FSTL5: variants seen among roughly 807,000 people sequenced by gnomAD.
The protein encoded by FSTL5 is follistatin like 5.
FSTL5 carries 62 observed loss-of-function variants against 89.1 expected under a neutral mutation model. The observed-to-expected ratio is 0.70, with a 90% CI of 0.57 to 0.86. The LOEUF is 0.86. Among genes scored for constraint, FSTL5 ranks in the 40% least tolerant of loss-of-function variants. FSTL5 has a pLI of 0.00. For synonymous variants in FSTL5, 383 were observed against 346.2 expected (o/e 1.11, Z -1.18); for missense variants, 1,057 against 1,001.6 (o/e 1.06, Z -0.75).
chr4:161,836,246 T>C (rs1273530030), intron 4 of FSTL5, among the ~76,000 whole-genome samples: 3 of 129,984 alleles, frequency 2.3e-5, no homozygotes, highest in African/African-American at 6.0e-5. Context: ...TAGGTGGGAA[T>C]TGAACAATGA....
In FSTL5 at chr4:161,808,326, T is replaced by C. The variant is rs1052529171; in HGVS notation, c.410-32252A>G. ...CAGCAACTCCACTTATAGGCATACA[T>C]TGCCCTCCAAAAAAACATGAAAGCA... is the stretch of plus-strand genomic sequence containing the variant. On this transcript the variant is annotated intron_variant, in intron 4 of 15. Transcript: ENST00000306100. 5.3e-5 allele frequency among the ~76,000 whole-genome samples: 8 copies of C among 152,204 alleles called. No individual in the cohort carries two copies. The East Asian group carries it at 1.4e-3, about 26-fold the overall frequency.
At chr4:161,667,371 G>C (rs1394937633) in intron 6 of FSTL5, among the ~76,000 whole-genome samples, 1 of 152,054 alleles carries the variant, frequency 6.6e-6, no homozygotes, top group East Asian at 1.9e-4. Context: ...CTAACAGAAA[G>C]AATTGGGTGG....
intron 3 of FSTL5, among the ~76,000 whole-genome samples, chr4:161,949,805 T>TA (rs1393732672): frequency 6.6e-6 from 1 of 152,098 alleles, no homozygotes; most frequent in African/African-American, 2.4e-5. Context: ...TTTGGATTTT[T>TA]AAAAAATAAT....
chr4:161,814,682 T>A (rs1730270376), intron 4 of FSTL5, among the ~76,000 whole-genome samples: 2 of 152,146 alleles, frequency 1.3e-5, no homozygotes, highest in African/African-American at 4.8e-5. Flanking sequence ...GATTAAAATG[T>A]TGAAACATTT....
chr4:161,571,367 A>G (rs766512054), intron 8 of FSTL5, among the ~76,000 whole-genome samples: 1 of 152,124 alleles, frequency 6.6e-6, no homozygotes, highest in Non-Finnish European at 1.5e-5. Context: ...AGGAGAATAC[A>G]TGGGAACAAA....
chr4:161,644,162 A>G (rs1171794673), intron 7 of FSTL5, among the ~76,000 whole-genome samples: 2 of 152,136 alleles, frequency 1.3e-5, no homozygotes, highest in African/African-American at 4.8e-5. Context: ...TGAAGGACAC[A>G]CTGGATTTAG....
At chr4:162,046,774 T>C (rs776558388) in intron 2 of FSTL5, among the ~76,000 whole-genome samples, 1 of 152,164 alleles carries the variant, frequency 6.6e-6, no homozygotes, top group Non-Finnish European at 1.5e-5. Context: ...TTATGAAAAC[T>C]AGTGAATTTG....
chr4:161,846,066 G>T (rs577804460), intron 4 of FSTL5, among the ~76,000 whole-genome samples: 2 of 150,084 alleles, frequency 1.3e-5, no homozygotes, highest in East Asian at 2.0e-4. Context: ...AAAAAAAATT[G>T]TGAATTGTGT....
rs35953683 is a variant in FSTL5 at position 161,550,557 on chromosome 4, TTTTATTTATTTA to T, written c.1016-7876_1016-7865del. Among the ~76,000 whole-genome samples the T allele has an allele frequency of 9.2e-3, 1,307 of 142,294 alleles. 16 individuals are homozygous for T. The highest frequency in any genetic ancestry group is 0.03 in the African/African-American group (1,159 of 38,894). 93.4% of individuals were successfully genotyped at this position (142,294 alleles called of 152,430 possible). On this transcript the variant is annotated intron_variant, in intron 8 of 15. Transcript: ENST00000306100. ...TATTTTATTTTTTCAGTAACTTCTTTTTTATTTATTTATTTATTTATTTATTTATTTATTTAT... is the reference window on the plus strand; with the variant it reads ...TATTTTATTTTTTCAGTAACTTCTTTTTTATTTATTTATTTATTTATTTAT...
intron 4 of FSTL5, among the ~76,000 whole-genome samples, chr4:161,854,218 G>A (rs1364205084): frequency 3.3e-5 from 5 of 152,070 alleles, no homozygotes; most frequent in South Asian, 2.1e-4. Context: ...ATTTTTCACT[G>A]AGGAAAGAAA....
At chr4:161,486,862 T>C (rs1026681132) in intron 12 of FSTL5, among the ~76,000 whole-genome samples, 1 of 152,202 alleles carries the variant, frequency 6.6e-6, no homozygotes, top group African/African-American at 2.4e-5. Context: ...TGTATAACTT[T>C]TATATCCATT....
chr4:161,723,860 G>C (rs1243849222), intron 6 of FSTL5, among the ~76,000 whole-genome samples: 2 of 152,090 alleles, frequency 1.3e-5, no homozygotes, highest in Non-Finnish European at 2.9e-5. Context: ...AGATACCCAA[G>C]AAGAAGTAAC....
rs1006763240 is a variant in FSTL5 at position 162,156,909 on chromosome 4, T to G, written c.-17+6706A>C. On this transcript the variant is annotated intron_variant, in intron 1 of 15. Coordinates refer to ENST00000306100, the MANE Select transcript of FSTL5 (RefSeq NM_020116.5). ...TGAATCTAAAATAACAGTTGAAAAATAATTTAACTTTTTTTAAAAAAAGAT... is the reference window on the plus strand; with the variant it reads ...TGAATCTAAAATAACAGTTGAAAAAGAATTTAACTTTTTTTAAAAAAAGAT... Among the ~76,000 whole-genome samples, 6 of 152,074 alleles carry G rather than the reference T, an allele frequency of 3.9e-5. No homozygotes were observed. The East Asian group carries it at 1.2e-3, about 29-fold the overall frequency.
intron 8 of FSTL5, among the ~76,000 whole-genome samples, chr4:161,562,348 C>G (rs1382387733): frequency 6.6e-6 from 1 of 151,878 alleles, no homozygotes; most frequent in Non-Finnish European, 1.5e-5. Flanking sequence ...TTAGGATTAG[C>G]CTGTCAATTT....
intron 6 of FSTL5, among the ~76,000 whole-genome samples, chr4:161,733,071 T>C (rs1739672160): frequency 6.6e-6 from 1 of 151,986 alleles, no homozygotes; most frequent in Admixed American, 6.6e-5. Flanking sequence ...AGATTAACTT[T>C]TGTAGAACTG....
At chr4:162,012,606 T>C (rs1055318235) in intron 3 of FSTL5, among the ~76,000 whole-genome samples, 3 of 152,146 alleles carry the variant, frequency 2.0e-5, no homozygotes, top group Non-Finnish European at 4.4e-5. Context: ...AATTCTACCC[T>C]GCCAAATGAT....
intron 1 of FSTL5, among the ~76,000 whole-genome samples, chr4:162,132,646 C>T (rs948672735): frequency 2.0e-5 from 3 of 152,170 alleles, no homozygotes; most frequent in Non-Finnish European, 4.4e-5. Context: ...TCTATGCCTA[C>T]TGCATAGATG....
chr4:162,061,135 C>A (rs1234073257), intron 2 of FSTL5, among the ~76,000 whole-genome samples: 1 of 151,794 alleles, frequency 6.6e-6, no homozygotes, highest in African/African-American at 2.4e-5. Flanking sequence ...GAATTGTGTG[C>A]CCCCCAAAAG....
rs117739698 is a variant in FSTL5 at position 161,562,066 on chromosome 4, C to T, written c.1016-19373G>A. Among the ~76,000 whole-genome samples, 25 of 152,142 alleles carry T rather than the reference C, an allele frequency of 1.6e-4. No individual in the cohort carries two copies. In the East Asian group the frequency reaches 4.3e-3, roughly 26 times the overall value. On this transcript the variant is annotated intron_variant, in intron 8 of 15. Transcript: ENST00000306100. ...TGAGAGTGGAGGCGATGAGAATGGA[C>T]ATGGGTACTAAGCCAATCTCATGGA... is the stretch of plus-strand genomic sequence containing the variant.
Sources: gnomAD v4.1 joint callset for allele counts (sites outside exome capture counted in the v4.1 genomes callset) on GRCh38, gnomAD v4.1.1 for gene constraint, MANE v1.5 for transcripts, NCBI Gene and HGNC (gene_info 2026-07-23, HGNC 2026-07-21) for gene names.